Variants in EIF2AK3 observed in about 807,000 individuals in gnomAD.
EIF2AK3 encodes the protein eukaryotic translation initiation factor 2 alpha kinase 3.
In EIF2AK3, 50 loss-of-function variants were observed where a neutral mutation model predicts 113.5. The observed-to-expected ratio is 0.44, with a 90% CI of 0.35 to 0.56. EIF2AK3 has a LOEUF of 0.56. Ranked by LOEUF, EIF2AK3 falls within the 20% of genes least tolerant of loss-of-function variation. The pLI, the probability that EIF2AK3 is intolerant of heterozygous loss-of-function variation, is 0.00. For missense variants in EIF2AK3, 1,185 were observed against 1,378.0 expected (o/e 0.86, Z 2.22); for synonymous variants, 448 against 495.4 (o/e 0.90, Z 1.27).
At chr2:88,564,767 A>G (rs1427765480) in intron 14 of EIF2AK3, among the ~76,000 whole-genome samples, 2 of 152,236 alleles carry the variant, frequency 1.3e-5, no homozygotes, top group Admixed American at 6.5e-5. Context: ...CTGATAGTTT[A>G]TATTTCACAG....
intron 16 of EIF2AK3, 106 bp from the exon 17 acceptor site, chr2:88,558,042 G>A (rs530253795): frequency 2.5e-6 from 3 of 1,209,096 alleles, no homozygotes; most frequent in Admixed American, 1.9e-5. Flanking sequence ...TTAAGCTTTT[G>A]AGCCATATTC....
At chr2:88,577,124 C>T (rs1014447911) in intron 11 of EIF2AK3, among the ~76,000 whole-genome samples, 2 of 152,116 alleles carry the variant, frequency 1.3e-5, no homozygotes, top group East Asian at 1.9e-4. Context: ...GCTGGGATTA[C>T]AGATGCGCAC....
Position 88,596,587 on chromosome 2 carries a change from CTT to C in EIF2AK3, c.439-926_439-925del, listed in dbSNP as rs1331519700. 2.0e-5 allele frequency among the ~76,000 whole-genome samples: 3 copies of C among 152,102 alleles called. No individual in the cohort carries two copies. In the East Asian group the frequency reaches 5.8e-4, roughly 29 times the overall value. ...TGAGAAAGTAACGTTTGGGCAAAGTCTTAACGTGAGAGAGTTAACCACGCCAG... is the reference window on the plus strand; with the variant it reads ...TGAGAAAGTAACGTTTGGGCAAAGTCAACGTGAGAGAGTTAACCACGCCAG... On this transcript the variant is annotated intron_variant, in intron 2 of 16. Transcript: ENST00000303236.
chr2:88,589,370 T>TA (rs1485398777), intron 6 of EIF2AK3, among the ~76,000 whole-genome samples: 2 of 152,206 alleles, frequency 1.3e-5, no homozygotes, highest in Admixed American at 6.5e-5. Context: ...TGTCAGAGCT[T>TA]ATAGAATTTT....
chr2:88,579,431 T>C (rs1183866096), intron 11 of EIF2AK3, 87 bp downstream of exon 11: 1 of 1,549,040 alleles, frequency 6.5e-7, no homozygotes, highest in African/African-American at 1.4e-5. Flanking sequence ...CTATGGTGTT[T>C]ACAGAGTACA....
intron 2 of EIF2AK3, among the ~76,000 whole-genome samples, chr2:88,599,513 A>T (rs1675102479): frequency 6.6e-6 from 1 of 151,528 alleles, no homozygotes; most frequent in African/African-American, 2.4e-5. Flanking sequence ...ATAGAAAATC[A>T]AGTATTTACC....
At chr2:88,611,915 G>A (rs186132119) in intron 2 of EIF2AK3, among the ~76,000 whole-genome samples, 102 of 152,234 alleles carry the variant, frequency 6.7e-4, no homozygotes, top group African/African-American at 2.3e-3. Context: ...GAGTCACCAC[G>A]CCCGGCCTAC....
chr2:88,571,510 T>G (rs1674307658), intron 13 of EIF2AK3, among the ~76,000 whole-genome samples: 1 of 152,158 alleles, frequency 6.6e-6, no homozygotes, highest in Admixed American at 6.6e-5. Context: ...ACTAACCCCA[T>G]TTTACAGACA....
intron 14 of EIF2AK3, among the ~76,000 whole-genome samples, chr2:88,564,891 T>G (rs1012542268): frequency 2.0e-5 from 3 of 152,130 alleles, no homozygotes; most frequent in African/African-American, 7.2e-5. Context: ...TAGGACTGGG[T>G]GAGAGAGGCT....
intron 6 of EIF2AK3, 82 bp downstream of exon 6, chr2:88,590,361 C>G (rs1674850896): frequency 1.4e-6 from 2 of 1,421,028 alleles, no homozygotes; most frequent in African/African-American, 2.8e-5. Context: ...ACTACAGGCA[C>G]TCCTGAAGTA....
At chr2:88,572,042 TTCA>T (rs1674325691) in intron 13 of EIF2AK3, among the ~76,000 whole-genome samples, 3 of 152,138 alleles carry the variant, frequency 2.0e-5, no homozygotes, top group Admixed American at 2.0e-4. Context: ...GAAATTGAAT[TTCA>T]TCATGTTTCA....
intron 14 of EIF2AK3, among the ~76,000 whole-genome samples, chr2:88,563,265 C>G (rs1187067300): frequency 2.6e-5 from 4 of 152,174 alleles, no homozygotes; most frequent in Non-Finnish European, 5.9e-5. Context: ...TCACAACTTC[C>G]CCTCTAAACC....
rs1674463037 is a variant in EIF2AK3 at position 88,576,543 on chromosome 2, AAGTT to A, written c.2036+7_2036+10del. On this transcript the variant is annotated splice_region_variant and intron_variant, in intron 12 of 16. Coordinates refer to ENST00000303236, the MANE Select transcript of EIF2AK3 (RefSeq NM_004836.7). ...AACTAGCTTAAGTGTATGTGTAACAAAGTTAGTTACCTTTCATCTTTCAGCCAAA... is the reference window on the plus strand; with the variant it reads ...AACTAGCTTAAGTGTATGTGTAACAAAGTTACCTTTCATCTTTCAGCCAAA... The A allele has an allele frequency of 1.9e-6, 3 of 1,614,070 alleles. No individual in the cohort carries two copies. The highest frequency in any genetic ancestry group is 1.7e-5 in the Admixed American group (1 of 60,022).
chr2:88,625,200 T>C (rs977010893), intron 1 of EIF2AK3, among the ~76,000 whole-genome samples: 3 of 151,862 alleles, frequency 2.0e-5, no homozygotes, highest in South Asian at 2.1e-4. Flanking sequence ...TATATGCATA[T>C]ACAGTCGGCT....
chr2:88,609,694 A>C (rs1675380554), intron 2 of EIF2AK3, among the ~76,000 whole-genome samples: 1 of 152,204 alleles, frequency 6.6e-6, no homozygotes, highest in Non-Finnish European at 1.5e-5. Flanking sequence ...TTTTACTCAA[A>C]AGTCAACTGG....
chr2:88,581,991 G>A (rs1384761559), intron 10 of EIF2AK3, among the ~76,000 whole-genome samples: 1 of 152,156 alleles, frequency 6.6e-6, no homozygotes, highest in Non-Finnish European at 1.5e-5. Context: ...CCCATAGCCA[G>A]TATTTACAGG....
At chr2:88,593,967 C>G (rs1006875702) in intron 3 of EIF2AK3, 2 of 990,386 alleles carry the variant, frequency 2.0e-6, no homozygotes, top group Non-Finnish European at 2.4e-6. Flanking sequence ...ACCAGGTGAT[C>G]GGGTTCAATC....
chr2:88,571,062 A>G lies in EIF2AK3; in HGVS notation c.2818-21T>C, dbSNP rs367930439. ...GATGGCTGGAAAGAATACAACAGAC[A>G]AAAGTACAGTGGGTGTGCATGGAGG... On this transcript the variant is annotated intron_variant, in intron 13 of 16. Coordinates refer to ENST00000303236, the MANE Select transcript of EIF2AK3 (RefSeq NM_004836.7). 6.2e-6 allele frequency: 10 copies of G among 1,613,976 alleles called. No homozygotes were observed. In the African/African-American group the frequency reaches 1.3e-4, roughly 22 times the overall value.
Position 88,579,499 on chromosome 2 carries a change from T to G in EIF2AK3, c.1886+19A>C. 6.2e-7 allele frequency: 1 copy of G among 1,613,320 alleles called. No homozygotes were observed. On this transcript the variant is annotated intron_variant, in intron 11 of 16. Coordinates refer to ENST00000303236, the MANE Select transcript of EIF2AK3 (RefSeq NM_004836.7). The stretch of plus-strand genomic sequence containing the variant: ...CACACTGTGCTGATTTCAAGTTTAC[T>G]GAAGGTACCACCCATTACCTATTGG...
Sources: allele counts gnomAD v4.1 joint callset (sites outside exome capture counted in the v4.1 genomes callset), GRCh38; gene constraint gnomAD v4.1.1; transcripts MANE v1.5; gene names NCBI Gene and HGNC (gene_info 2026-07-23, HGNC 2026-07-21).